Variants in TMEFF1 observed in about 807,000 individuals in gnomAD.
TMEFF1 encodes tomoregulin-1.
In TMEFF1, 20 loss-of-function variants were observed where a neutral mutation model predicts 47.5. The ratio of observed to expected loss-of-function variants is 0.42; its 90% CI spans 0.30 to 0.61. The LOEUF (loss-of-function observed/expected upper bound fraction) is 0.61. Among genes scored for constraint, TMEFF1 ranks in the 20% least tolerant of loss-of-function variants. The probability of loss-of-function intolerance (pLI) is 0.19; values close to 1 mark genes in which losing one functional copy is unlikely to be tolerated. For synonymous variants in TMEFF1, 162 were observed against 166.3 expected, an observed-to-expected ratio of 0.97 and a Z score of 0.20; for missense variants, 411 against 471.1, an observed-to-expected ratio of 0.87 and a Z score of 1.18.
At chr9:100,528,328 A>G (rs929596055) in intron 5 of TMEFF1, among the ~76,000 whole-genome samples, 2 of 150,078 alleles carry the variant, frequency 1.3e-5, no homozygotes, top group African/African-American at 5.0e-5. Context: ...AAGGCAAACA[A>G]GTTGAAAACT....
At chr9:100,575,280 T>C (rs1587863564) in intron 9 of TMEFF1, among the ~76,000 whole-genome samples, 1 of 152,306 alleles carries the variant, frequency 6.6e-6, no homozygotes, top group East Asian at 1.9e-4. Flanking sequence ...TCAATTTTTC[T>C]TTTTTTCTTC....
At chr9:100,547,374 TAC>T (rs1376039710) in intron 5 of TMEFF1, among the ~76,000 whole-genome samples, 2 of 152,210 alleles carry the variant, frequency 1.3e-5, no homozygotes, top group African/African-American at 4.8e-5. Context: ...AGAATTTGGA[TAC>T]AAATCTGGTA....
chr9:100,476,699 GTTTTTT>G (rs60623249), intron 1 of TMEFF1, among the ~76,000 whole-genome samples: 1 of 115,808 alleles, frequency 8.6e-6, no homozygotes, highest in Non-Finnish European at 1.8e-5. Context: ...GGCCTATTTC[GTTTTTT>G]TTTTTTTTTG....
At position 100,473,568 on chromosome 9, in the gene TMEFF1, G is replaced by GCCGCTCCGGCTGCCTGCCGCGCCT; in HGVS notation, c.31_54dup (p.Arg11_Leu18dup). 1 of 1,539,172 alleles carries GCCGCTCCGGCTGCCTGCCGCGCCT rather than the reference G, an allele frequency of 6.5e-7. No individual in the cohort carries two copies. Among genetic ancestry groups the GCCGCTCCGGCTGCCTGCCGCGCCT allele is most frequent in the South Asian group, 1.2e-5 (1 of 82,250 alleles). On this transcript the variant is annotated inframe_insertion, in exon 1 of 10. Transcript: ENST00000374879. The surrounding 1 kb of genome is among the most constrained non-coding windows in gnomAD (Gnocchi z 5.4). Reference sequence around the variant, plus strand: ...TCATGGGCGCCGCAGCCGCTGAGGCGCCGCTCCGGCTGCCTGCCGCGCCTC... The same window carrying GCCGCTCCGGCTGCCTGCCGCGCCT: ...TCATGGGCGCCGCAGCCGCTGAGGCGCCGCTCCGGCTGCCTGCCGCGCCTCCGCTCCGGCTGCCTGCCGCGCCTC...
At chr9:100,507,512 A>G (rs577452887) in intron 2 of TMEFF1, among the ~76,000 whole-genome samples, 2 of 152,156 alleles carry the variant, frequency 1.3e-5, no homozygotes, top group African/African-American at 2.4e-5. Flanking sequence ...TCCCACAAGC[A>G]TCTGTTATTT....
At chr9:100,533,963 C>T (rs531347569) in intron 5 of TMEFF1, among the ~76,000 whole-genome samples, 1 of 152,174 alleles carries the variant, frequency 6.6e-6, no homozygotes, top group South Asian at 2.1e-4. Flanking sequence ...ATGATCCACC[C>T]ACCTCGACCT....
chr9:100,526,251 A>G (rs370436659), intron 5 of TMEFF1, among the ~76,000 whole-genome samples: 2 of 152,102 alleles, frequency 1.3e-5, no homozygotes, highest in South Asian at 2.1e-4. Flanking sequence ...TGAAGCATGT[A>G]GAGTCTTCTT....
intron 1 of TMEFF1, among the ~76,000 whole-genome samples, chr9:100,482,634 T>A (rs1837363830): frequency 6.6e-6 from 1 of 152,220 alleles, no homozygotes. Flanking sequence ...CTTTTATTGA[T>A]CTTTTTCTGC....
chr9:100,540,235 T>G (rs1016653374), intron 5 of TMEFF1, among the ~76,000 whole-genome samples: 1 of 152,012 alleles, frequency 6.6e-6, no homozygotes, highest in African/African-American at 2.4e-5. Context: ...CCCACCGGAT[T>G]AGCTAGACAC....
At chr9:100,535,081 AC>A (rs1838477078) in intron 5 of TMEFF1, among the ~76,000 whole-genome samples, 1 of 152,162 alleles carries the variant, frequency 6.6e-6, no homozygotes, top group South Asian at 2.1e-4. Flanking sequence ...GTCTGGATTG[AC>A]CCACTTCTGT....
chr9:100,477,592 C>T (rs1837258274), intron 1 of TMEFF1, among the ~76,000 whole-genome samples: 1 of 149,490 alleles, frequency 6.7e-6, no homozygotes, highest in Non-Finnish European at 1.5e-5. Flanking sequence ...GGTTTACCCA[C>T]AGATGTTTTT....
intron 1 of TMEFF1, among the ~76,000 whole-genome samples, chr9:100,491,732 G>C (rs528445199): frequency 6.6e-6 from 1 of 152,242 alleles, no homozygotes; most frequent in Non-Finnish European, 1.5e-5. Flanking sequence ...TAAGAATCTG[G>C]TAGTTATTTG....
chr9:100,564,752 T>A (rs947606454), intron 8 of TMEFF1, among the ~76,000 whole-genome samples: 1 of 152,208 alleles, frequency 6.6e-6, no homozygotes, highest in Admixed American at 6.5e-5. Flanking sequence ...AAAGCCACTC[T>A]GGTGACATTG....
At chr9:100,537,788 C>T (rs1212998872) in intron 5 of TMEFF1, among the ~76,000 whole-genome samples, 4 of 152,170 alleles carry the variant, frequency 2.6e-5, no homozygotes. Flanking sequence ...CTCCCTTATC[C>T]ACAACTTTTA....
intron 1 of TMEFF1, among the ~76,000 whole-genome samples, chr9:100,483,262 C>G (rs558630794): frequency 6.6e-6 from 1 of 152,028 alleles, no homozygotes; most frequent in African/African-American, 2.4e-5. Flanking sequence ...TTTGGGAGCC[C>G]GAGGCGGGTG....
chr9:100,513,798 A>C (rs538312223), intron 4 of TMEFF1, among the ~76,000 whole-genome samples: 1 of 152,180 alleles, frequency 6.6e-6, no homozygotes, highest in Non-Finnish European at 1.5e-5. Context: ...GCTCATCAGG[A>C]ATTTTCATGG....
At chr9:100,527,280 G>A (rs998732716) in intron 5 of TMEFF1, among the ~76,000 whole-genome samples, 2 of 152,222 alleles carry the variant, frequency 1.3e-5, no homozygotes, top group African/African-American at 4.8e-5. Flanking sequence ...ACAGCTCCCA[G>A]CGTGAGCCAC....
intron 3 of TMEFF1, among the ~76,000 whole-genome samples, chr9:100,510,629 C>T (rs2118365331): frequency 6.6e-6 from 1 of 152,114 alleles, no homozygotes; most frequent in Middle Eastern, 3.4e-3. Flanking sequence ...GCCAACATGC[C>T]AGGTTCATTT....
At chr9:100,541,880 C>T (rs1838640534) in intron 5 of TMEFF1, among the ~76,000 whole-genome samples, 1 of 151,988 alleles carries the variant, frequency 6.6e-6, no homozygotes, top group Non-Finnish European at 1.5e-5. Context: ...TTCTTCTATA[C>T]CCAGGGTGAT....
Sources: gnomAD v4.1 joint callset for allele counts (sites outside exome capture counted in the v4.1 genomes callset) on GRCh38, gnomAD v4.1.1 for gene constraint, Gnocchi (gnomAD v3.1) non-coding constraint, MANE v1.5 for transcripts, NCBI Gene and HGNC (gene_info 2026-07-23, HGNC 2026-07-21) for gene names.